Variants in HTR1F observed in about 807,000 individuals in gnomAD.
HTR1F encodes the protein 5-hydroxytryptamine receptor 1F, also known as 5-hydroxytryptamine (serotonin) receptor 1F, G protein-coupled.
HTR1F carries 17 observed loss-of-function variants against 24.0 expected under a neutral mutation model. The ratio of observed to expected loss-of-function variants is 0.71; its 90% CI spans 0.48 to 1.06. The LOEUF (loss-of-function observed/expected upper bound fraction) is 1.06. Among genes scored for constraint, HTR1F ranks in the 50% least tolerant of loss-of-function variants. The pLI is 0.00. For missense variants in HTR1F, 391 were observed against 427.8 expected (o/e 0.91, Z 0.76); for synonymous variants, 186 against 156.8 (o/e 1.19, Z -1.39).
At chr3:87,830,362 CAT>C (rs1246566373) in intron 2 of HTR1F, among the ~76,000 whole-genome samples, 5 of 152,126 alleles carry the variant, frequency 3.3e-5, no homozygotes, top group Admixed American at 6.5e-5. Flanking sequence ...AAAAAATACT[CAT>C]GTGTGTGGAC....
chr3:87,936,725 A>T lies in HTR1F; in HGVS notation c.-42-53983A>T, dbSNP rs567831876. ...AAATCACGGAGCATAAACAACTGAAATATTTTGTTTGGGGATTCAGGACAG... is the reference window on the plus strand; with the variant it reads ...AAATCACGGAGCATAAACAACTGAATTATTTTGTTTGGGGATTCAGGACAG... On this transcript the variant is annotated intron_variant, in intron 2 of 2. Transcript: ENST00000319595. 5.3e-4 allele frequency among the ~76,000 whole-genome samples: 80 copies of T among 152,264 alleles called. 1 individual carries two copies. The highest frequency in any genetic ancestry group is 1.8e-3 in the African/African-American group (74 of 41,558).
At chr3:87,949,060 G>T (rs1290316613) in intron 2 of HTR1F, among the ~76,000 whole-genome samples, 1 of 151,906 alleles carries the variant, frequency 6.6e-6, no homozygotes, top group Non-Finnish European at 1.5e-5. Context: ...TTAGATTTTG[G>T]AAATGACTGT....
At chr3:87,960,168 A>G (rs1705031110) in intron 2 of HTR1F, among the ~76,000 whole-genome samples, 1 of 150,672 alleles carries the variant, frequency 6.6e-6, no homozygotes, top group Non-Finnish European at 1.5e-5. Context: ...GCAGGCATCA[A>G]CATTTTTAAA....
intron 1 of HTR1F, among the ~76,000 whole-genome samples, chr3:87,807,060 G>A (rs2919257): frequency 0.13 from 20,257 of 151,860 alleles, 4,183 homozygotes; most frequent in African/African-American, 0.45. Flanking sequence ...TTCAAGTAGC[G>A]TGGTGTCTCC....
intron 2 of HTR1F, among the ~76,000 whole-genome samples, chr3:87,837,931 A>AT (rs1190288265): frequency 6.6e-6 from 1 of 151,846 alleles, no homozygotes; most frequent in Non-Finnish European, 1.5e-5. Flanking sequence ...ATTTTCTTAT[A>AT]TTTTTAGAAT....
intron 2 of HTR1F, among the ~76,000 whole-genome samples, chr3:87,884,684 A>AT (rs1705893526): frequency 6.6e-6 from 1 of 152,104 alleles, no homozygotes; most frequent in Non-Finnish European, 1.5e-5. Context: ...AGCAAAAAAA[A>AT]GCAGAGATTG....
chr3:87,876,060 C>T (rs1272593235), intron 2 of HTR1F, among the ~76,000 whole-genome samples: 2 of 151,974 alleles, frequency 1.3e-5, no homozygotes, highest in African/African-American at 2.4e-5. Flanking sequence ...TGAAATATTG[C>T]TTCACATTTA....
At chr3:87,949,822 T>C (rs757663207) in intron 2 of HTR1F, among the ~76,000 whole-genome samples, 5 of 152,224 alleles carry the variant, frequency 3.3e-5, no homozygotes, top group Non-Finnish European at 7.3e-5. Flanking sequence ...CATAAGACAG[T>C]GTCACCTCAC....
chr3:87,948,540 C>T (rs370266477), intron 2 of HTR1F, among the ~76,000 whole-genome samples: 2 of 151,234 alleles, frequency 1.3e-5, no homozygotes, highest in East Asian at 1.9e-4. Flanking sequence ...GGAGTGCAGT[C>T]GCATAGTCAC....
At chr3:87,958,702 C>T (rs1704998147) in intron 2 of HTR1F, among the ~76,000 whole-genome samples, 2 of 151,548 alleles carry the variant, frequency 1.3e-5, no homozygotes, top group Admixed American at 1.3e-4. Flanking sequence ...ACACTGCTAT[C>T]ACCATTCCTT....
At chr3:87,867,883 T>C (rs185297618) in intron 2 of HTR1F, among the ~76,000 whole-genome samples, 108 of 152,210 alleles carry the variant, frequency 7.1e-4, no homozygotes, top group South Asian at 1.7e-3. Context: ...TTCTCTTTCT[T>C]GTTGTCTAAA....
rs570149605 is a variant in HTR1F, at chr3:87,861,573, G to T, written c.-43+39449G>T. Among the ~76,000 whole-genome samples the T allele has an allele frequency of 3.9e-5, 6 of 152,106 alleles. No homozygotes were observed. The South Asian group carries it at 1.2e-3, about 32-fold the overall frequency. ...GACACACAAGCCATTTTCTGTGCTCGTATAGAGTAGCAATATTTAACATGC... is the reference window on the plus strand; with the variant it reads ...GACACACAAGCCATTTTCTGTGCTCTTATAGAGTAGCAATATTTAACATGC... On this transcript the variant is annotated intron_variant, in intron 2 of 2. Coordinates refer to ENST00000319595, the MANE Select transcript of HTR1F (RefSeq NM_001322209.2).
intron 2 of HTR1F, among the ~76,000 whole-genome samples, chr3:87,947,017 T>C (rs1576075774): frequency 6.6e-6 from 1 of 152,328 alleles, no homozygotes; most frequent in South Asian, 2.1e-4. Context: ...ATTTAATCGT[T>C]GTGTTGAAAT....
intron 1 of HTR1F, among the ~76,000 whole-genome samples, chr3:87,811,500 G>A (rs1038110209): frequency 2.0e-5 from 3 of 152,102 alleles, no homozygotes; most frequent in Admixed American, 6.5e-5. Context: ...AGATGAAACA[G>A]CCCTGAAATG....
intron 2 of HTR1F, among the ~76,000 whole-genome samples, chr3:87,958,473 CAT>C (rs1487815509): frequency 1.3e-5 from 2 of 151,594 alleles, no homozygotes; most frequent in Non-Finnish European, 3.0e-5. Flanking sequence ...TCATTAAAAA[CAT>C]GTAAAACCCT....
At chr3:87,812,448 T>C (rs945591014) in intron 1 of HTR1F, among the ~76,000 whole-genome samples, 21 of 151,918 alleles carry the variant, frequency 1.4e-4, no homozygotes, top group Non-Finnish European at 2.8e-4. Context: ...AGGGAATCTG[T>C]GGAACTTTGA....
intron 2 of HTR1F, among the ~76,000 whole-genome samples, chr3:87,887,707 A>T (rs909271545): frequency 1.3e-5 from 2 of 152,250 alleles, no homozygotes; most frequent in African/African-American, 4.8e-5. Flanking sequence ...TGCAGCCAAA[A>T]GACACATGAA....
intron 2 of HTR1F, among the ~76,000 whole-genome samples, chr3:87,877,071 A>C (rs914812951): frequency 6.6e-6 from 1 of 152,184 alleles, no homozygotes; most frequent in African/African-American, 2.4e-5. Flanking sequence ...TTATTTTCAT[A>C]GGGTCATTCT....
chr3:87,934,438 A>C (rs867063375), intron 2 of HTR1F, among the ~76,000 whole-genome samples: 1 of 152,284 alleles, frequency 6.6e-6, no homozygotes, highest in Non-Finnish European at 1.5e-5. Context: ...CTCTGTAAAA[A>C]GAACCAGAAG....
Sources: gnomAD v4.1 joint callset for allele counts (sites outside exome capture counted in the v4.1 genomes callset) on GRCh38, gnomAD v4.1.1 for gene constraint, MANE v1.5 for transcripts, NCBI Gene and HGNC (gene_info 2026-07-23, HGNC 2026-07-21) for gene names.